The following PLCB1 variants were observed in gnomAD, a reference collection of about 807,000 sequenced individuals.
PLCB1 encodes phospholipase C beta 1.
PLCB1 carries 46 observed loss-of-function variants against 161.8 expected under a neutral mutation model. That is an observed-to-expected ratio of 0.28 (90% CI 0.22 to 0.36). The LOEUF is 0.36. PLCB1 is among the 10% of genes least tolerant of loss of function. PLCB1 has a pLI of 1.00. For missense variants in PLCB1, 1,016 were observed against 1,472.5 expected (o/e 0.69, Z 5.07); for synonymous variants, 517 against 503.7 (o/e 1.03, Z -0.35).
In PLCB1 at chr20:8,762,409, T is replaced by C. The variant is rs368099059; in HGVS notation, c.2710+1949T>C. The stretch of plus-strand genomic sequence containing the variant: ...ATTTGTGTCTTTATATAAGTGAGCA[T>C]TACCTTTATACTTAAGAGCATAGTC... On this transcript the variant is annotated intron_variant, in intron 25 of 31. Coordinates refer to ENST00000338037, the MANE Select transcript of PLCB1 (RefSeq NM_015192.4). Among the ~76,000 whole-genome samples, 509 of 152,340 alleles carry C rather than the reference T, an allele frequency of 3.3e-3. 5 individuals are homozygous for C. Among genetic ancestry groups the C allele is most frequent in the African/African-American group, 0.011 (453 of 41,578 alleles).
At chr20:8,546,241 G>T (rs1235857681) in intron 3 of PLCB1, among the ~76,000 whole-genome samples, 7 of 150,092 alleles carry the variant, frequency 4.7e-5, no homozygotes, top group Non-Finnish European at 8.8e-5. Context: ...TTGAACCCAG[G>T]AGGCGGAGGT....
At position 8,278,995 on chromosome 20, in the gene PLCB1, C is replaced by G. The variant is rs1006713317; in HGVS notation, c.178-92387C>G. On this transcript the variant is annotated intron_variant, in intron 2 of 31. Transcript: ENST00000338037. ...GTGTTTTTTAAAAAAAAAAACAAAA[C>G]AGAAAATAGCAAGTGTTGGCAAGGA... Among the ~76,000 whole-genome samples the G allele has an allele frequency of 1.4e-4, 20 of 146,480 alleles. 1 individual carries two copies. The highest frequency in any genetic ancestry group is 4.0e-4 in the African/African-American group (15 of 37,902).
chr20:8,724,924 A>C (rs538516673), intron 16 of PLCB1, among the ~76,000 whole-genome samples, 172 bp downstream of exon 16: 2 of 152,290 alleles, frequency 1.3e-5, no homozygotes, highest in South Asian at 4.1e-4. Flanking sequence ...ATAAATATGC[A>C]TGTATTGTAA....
At chr20:8,650,350 C>G (rs1210244938) in intron 7 of PLCB1, among the ~76,000 whole-genome samples, 1 of 152,100 alleles carries the variant, frequency 6.6e-6, no homozygotes, top group Middle Eastern at 3.2e-3. Flanking sequence ...GAGGAATTAC[C>G]ACCGCTTTCC....
intron 3 of PLCB1, among the ~76,000 whole-genome samples, chr20:8,475,619 T>C (rs1390943273): frequency 6.6e-6 from 1 of 152,212 alleles, no homozygotes; most frequent in Non-Finnish European, 1.5e-5. Flanking sequence ...ACCAACAACA[T>C]CTTTCAGACA....
intron 3 of PLCB1, among the ~76,000 whole-genome samples, chr20:8,540,978 G>A (rs1047280866): frequency 1.3e-5 from 2 of 151,986 alleles, no homozygotes; most frequent in East Asian, 1.9e-4. Flanking sequence ...TAACCGCCTG[G>A]CTCTCAGTGG....
At chr20:8,838,348 C>T in intron 31 of PLCB1, among the ~76,000 whole-genome samples, 1 of 152,198 alleles carries the variant, frequency 6.6e-6, no homozygotes, top group East Asian at 1.9e-4. Context: ...ACCACTGGCT[C>T]TGAACTGACA....
chr20:8,211,675 G>A (rs1228572326), intron 2 of PLCB1, among the ~76,000 whole-genome samples: 1 of 152,050 alleles, frequency 6.6e-6, no homozygotes, highest in Non-Finnish European at 1.5e-5. Flanking sequence ...GAGTTGCCGA[G>A]ATTCCTTAAA....
intron 31 of PLCB1, among the ~76,000 whole-genome samples, chr20:8,795,371 T>C (rs16995247): frequency 0.035 from 5,272 of 152,296 alleles, 234 homozygotes; most frequent in East Asian, 0.18. Flanking sequence ...TGTTGTACAT[T>C]GCTGCACATA....
rs920670019 is a variant in PLCB1, at chr20:8,523,895, G to C, written c.247-104399G>C. Among the ~76,000 whole-genome samples the C allele has an allele frequency of 2.0e-5, 3 of 152,034 alleles. 1 individual carries two copies. The highest frequency in any genetic ancestry group is 7.3e-5 in the African/African-American group (3 of 41,374). Reference sequence around the variant, plus strand: ...GATGCAGAAACCATGCCACCCAGAGGCCTGCATGGGGAGCGTGTGTTGTAT... The same window carrying C: ...GATGCAGAAACCATGCCACCCAGAGCCCTGCATGGGGAGCGTGTGTTGTAT... On this transcript the variant is annotated intron_variant, in intron 3 of 31. Coordinates refer to ENST00000338037, the MANE Select transcript of PLCB1 (RefSeq NM_015192.4).
At chr20:8,374,531 G>A (rs189432404) in intron 3 of PLCB1, among the ~76,000 whole-genome samples, 1 of 152,254 alleles carries the variant, frequency 6.6e-6, no homozygotes, top group East Asian at 1.9e-4. Flanking sequence ...ACCTAACAGT[G>A]TCATATGGGG....
At position 8,681,119 on chromosome 20, in the gene PLCB1, TA is replaced by T. The variant is rs1253454150; in HGVS notation, c.863-3811del. Among the ~76,000 whole-genome samples the T allele has an allele frequency of 2.0e-3, 167 of 82,036 alleles. 2 individuals are homozygous for T. The highest frequency in any genetic ancestry group is 2.9e-3 in the Non-Finnish European group (129 of 44,988). The allele number at this position is 82,036 out of a possible 152,430, so 53.8% of individuals were successfully genotyped here. A position where few individuals can be genotyped will look rare whatever the true frequency, so the allele number is the denominator to read the frequency against. On this transcript the variant is annotated intron_variant, in intron 9 of 31. Transcript: ENST00000338037. ...ATATATATATATATATATATATATA[TA>T]ATATATATAAAATCAGTGTCTCATA... is the stretch of plus-strand genomic sequence containing the variant.
intron 3 of PLCB1, among the ~76,000 whole-genome samples, chr20:8,498,547 C>A (rs1600108689): frequency 6.6e-6 from 1 of 152,116 alleles, no homozygotes; most frequent in South Asian, 2.1e-4. Flanking sequence ...GGGCCCTGTC[C>A]CCTTGGGGAT....
intron 2 of PLCB1, among the ~76,000 whole-genome samples, chr20:8,325,823 G>T (rs1985130522): frequency 6.6e-6 from 1 of 152,140 alleles, no homozygotes; most frequent in Non-Finnish European, 1.5e-5. Context: ...GTGGATACTG[G>T]AATATTCAGG....
intron 2 of PLCB1, among the ~76,000 whole-genome samples, chr20:8,282,476 T>C (rs1171207384): frequency 6.6e-6 from 1 of 152,202 alleles, no homozygotes; most frequent in African/African-American, 2.4e-5. Context: ...TAACCAACTT[T>C]TTCTGTTTCT....
chr20:8,551,500 G>A (rs764233483), intron 3 of PLCB1, among the ~76,000 whole-genome samples: 9 of 152,084 alleles, frequency 5.9e-5, no homozygotes, highest in African/African-American at 1.4e-4. Context: ...GACCTTTACC[G>A]TCCTGTGCGC....
chr20:8,546,253 G>A (rs889613300), intron 3 of PLCB1, among the ~76,000 whole-genome samples: 3 of 146,836 alleles, frequency 2.0e-5, no homozygotes, highest in African/African-American at 7.6e-5. Flanking sequence ...GGCGGAGGTT[G>A]CAGTGAGCTG....
At chr20:8,498,935 A>G (rs1983291319) in intron 3 of PLCB1, among the ~76,000 whole-genome samples, 1 of 152,228 alleles carries the variant, frequency 6.6e-6, no homozygotes, top group Admixed American at 6.5e-5. Flanking sequence ...ACGGGTCATT[A>G]GTAAAGCAGA....
chr20:8,499,537 T>C (rs1983315904), intron 3 of PLCB1, among the ~76,000 whole-genome samples: 1 of 152,236 alleles, frequency 6.6e-6, no homozygotes, highest in Non-Finnish European at 1.5e-5. Context: ...AGAATTGTAT[T>C]TGTATACTCT....
Sources: allele counts gnomAD v4.1 joint callset (sites outside exome capture counted in the v4.1 genomes callset), GRCh38; gene constraint gnomAD v4.1.1; transcripts MANE v1.5; gene names NCBI Gene and HGNC (gene_info 2026-07-23, HGNC 2026-07-21).